Variants in S1PR3 observed in about 807,000 individuals in gnomAD.
S1PR3 encodes sphingosine-1-phosphate receptor 3.
A neutral mutation model predicts 13.3 loss-of-function variants in S1PR3; 12 were observed. The ratio of observed to expected loss-of-function variants is 0.90; its 90% confidence interval spans 0.58 to 1.46. S1PR3 has a LOEUF of 1.46. Among genes scored for constraint, S1PR3 ranks in the 40% most tolerant of loss-of-function variants. The pLI is 0.00. For synonymous variants in S1PR3, 232 were observed against 214.0 expected (o/e 1.08, Z -0.73); for missense variants, 450 against 501.9 (o/e 0.90, Z 0.99).
In S1PR3 at chr9:89,003,068, G is replaced by T. The variant is rs1357761731; in HGVS notation, c.*731G>T. ...TGCGTAATTTTAATCGTATTCCAAA[G>T]CCCAATTATGTGATGGTTTTCAGGT... On this transcript the variant is annotated 3_prime_UTR_variant, in exon 2 of 2. Transcript: ENST00000358157. 6.0e-6 allele frequency: 1 copy of T among 167,106 alleles called. No individual in the cohort carries two copies. The highest frequency in any genetic ancestry group is 2.4e-5 in the African/African-American group (1 of 41,466). 10.4% of individuals were successfully genotyped at this position (167,106 alleles called of 1,614,324 possible).
At chr9:88,999,961 C>T (rs1825848232) in intron 1 of S1PR3, 1 of 152,188 alleles carries the variant, frequency 6.6e-6, no homozygotes, top group Non-Finnish European at 1.5e-5. Flanking sequence ...GAGATCGCAC[C>T]ACTGCATTCC....
Position 89,001,707 on chromosome 9 carries a change from C to T in S1PR3, c.507C>T (p.Gly169=), listed in dbSNP as rs978012944. The T allele has an allele frequency of 9.9e-6, 16 of 1,614,100 alleles. No homozygotes were observed. The East Asian group carries it at 1.6e-4, about 16-fold the overall frequency. The change falls in exon 2 of 2, where the codon GGC becomes GGT. Residue 169 remains glycine, a synonymous_variant. Coordinates refer to ENST00000358157, the MANE Select transcript of S1PR3 (RefSeq NM_005226.4). ...GMCWLIAFTL[G]ALPILGWNCL... ...GCTGGCTCATTGCCTTCACGCTGGG[C>T]GCCCTGCCCATTCTGGGCTGGAACT...
At chr9:88,992,299 T>TCG in intron 1 of S1PR3, 1 of 407,314 alleles carries the variant, frequency 2.5e-6, no homozygotes, top group Non-Finnish European at 4.4e-6. Context: ...TCTCTCTCTC[T>TCG]TCCTCTGACT....
chr9:88,991,200 T>A, upstream of S1PR3: 1 of 1,586,762 alleles, frequency 6.3e-7, no homozygotes, highest in Non-Finnish European at 8.6e-7. The surrounding 1 kb of genome is among the most constrained non-coding windows in gnomAD (Gnocchi z 4.0). Context: ...GAGGCCGGCC[T>A]GGGAACAGGG....
chr9:89,001,944 G>T lies in S1PR3; in HGVS notation c.744G>T (p.Val248=). The change falls in exon 2 of 2, where the codon GTG becomes GTT. Residue 248 remains valine, a synonymous_variant. Transcript: ENST00000358157. ...CACTGCTGCGGACCGTGGTGATTGTGGTGAGCGTGTTCATCGCCTGCTGGT... is the reference window on the plus strand; with the variant it reads ...CACTGCTGCGGACCGTGGTGATTGTTGTGAGCGTGTTCATCGCCTGCTGGT... ...SMALLRTVVI[V]VSVFIACWSP... The T allele has an allele frequency of 6.2e-7, 1 of 1,614,178 alleles. No individual in the cohort carries two copies. The highest frequency in any genetic ancestry group is 8.5e-7 in the Non-Finnish European group (1 of 1,180,044).
chr9:88,998,649 T>C (rs1365507112), intron 1 of S1PR3: 1 of 152,228 alleles, frequency 6.6e-6, no homozygotes, highest in Non-Finnish European at 1.5e-5. Context: ...GACTGTGGTA[T>C]TGCCCCATTT....
At position 89,002,791 on chromosome 9, in the gene S1PR3, C is replaced by A; in HGVS notation, c.*454C>A. 4.8e-6 allele frequency: 1 copy of A among 209,822 alleles called. No homozygotes were observed. The highest frequency in any genetic ancestry group is 1.2e-4 in the East Asian group (1 of 8,576). The allele number at this position is 209,822 out of a possible 1,614,324, so 13.0% of individuals were successfully genotyped here. A position where few individuals can be genotyped will look rare whatever the true frequency, so the allele number is the denominator to read the frequency against. On this transcript the variant is annotated 3_prime_UTR_variant, in exon 2 of 2. Coordinates refer to ENST00000358157, the MANE Select transcript of S1PR3 (RefSeq NM_005226.4). ...TGTTGCAGGTGTTTGCCATGTGGTA[C>A]CTACATAGAATCTCCATACAACACA...
In S1PR3 at chr9:89,002,323, A is replaced by T. The variant is rs1179229081; in HGVS notation, c.1123A>T (p.Ile375Phe). 6.2e-7 allele frequency: 1 copy of T among 1,613,850 alleles called. No homozygotes were observed. Residue 375 changes from isoleucine to phenylalanine, a missense_variant, in exon 2 of 2, where the codon ATC becomes TTC. Physicochemically the swap from Ile to Phe is conservative, Grantham distance 21. Coordinates refer to ENST00000358157, the MANE Select transcript of S1PR3 (RefSeq NM_005226.4). Reference protein sequence around the residue: ...MDKNAALQNGIFCN With the variant: ...MDKNAALQNGFFCN The stretch of plus-strand genomic sequence containing the variant: ...CAAGAACGCAGCACTTCAGAATGGG[A>T]TCTTCTGCAACTGATCGTCTCCATG...
chr9:88,992,134 GC>G (rs1825728576), intron 1 of S1PR3: 1 of 1,149,472 alleles, frequency 8.7e-7, no homozygotes, highest in South Asian at 1.4e-5. Flanking sequence ...GGCAATTAGG[GC>G]CGTCAGAATC....
Position 89,001,845 on chromosome 9 carries a change from C to G in S1PR3, c.645C>G (p.Tyr215Ter), listed in dbSNP as rs373129056. 6.2e-7 allele frequency: 1 copy of G among 1,614,120 alleles called. No homozygotes were observed. Among genetic ancestry groups the G allele is most frequent in the Admixed American group, 1.7e-5 (1 of 60,018 alleles). Residue 215 changes from tyrosine to a stop codon, truncating the protein, a stop_gained, in exon 2 of 2, where the codon TAC becomes TAG. Coordinates refer to ENST00000358157, the MANE Select transcript of S1PR3 (RefSeq NM_005226.4). LOFTEE classifies it high-confidence loss of function. Reference protein sequence around the residue: ...TAILVTIVILYARIYFLVKSS... With the variant: ...TAILVTIVIL ...TCCTGGTGACCATCGTGATCCTCTA[C>G]GCACGCATCTACTTCCTGGTGAAGT...
Position 89,002,716 on chromosome 9 carries a change from G to A in S1PR3, c.*379G>A, listed in dbSNP as rs577189627. ...TGATTTTACACTACATTTCCTGTGC[G>A]TAGAATGGATGCTTGTATATTCGTA... On this transcript the variant is annotated 3_prime_UTR_variant, in exon 2 of 2. Coordinates refer to ENST00000358157, the MANE Select transcript of S1PR3 (RefSeq NM_005226.4). The A allele has an allele frequency of 1.5e-4, 41 of 270,334 alleles. 1 individual carries two copies. The South Asian group carries it at 2.8e-3, about 19-fold the overall frequency. 16.7% of individuals were successfully genotyped at this position (270,334 alleles called of 1,614,324 possible). A position where few individuals can be genotyped will look rare whatever the true frequency, so the allele number is the denominator to read the frequency against.
Position 89,001,765 on chromosome 9 carries a change from C to T in S1PR3, c.565C>T (p.Leu189=). 6.2e-7 allele frequency: 1 copy of T among 1,614,260 alleles called. No homozygotes were observed. Among genetic ancestry groups the T allele is most frequent in the Middle Eastern group, 1.6e-4 (1 of 6,062 alleles). Residue 189 remains leucine (L), a synonymous_variant, in exon 2 of 2, where the codon CTG becomes TTG. Transcript: ENST00000358157. The stretch of plus-strand genomic sequence containing the variant: ...CAATCTCCCTGACTGCTCTACCATC[C>T]TGCCCCTCTACTCCAAGAAGTACAT... ...LHNLPDCSTI[L]PLYSKKYIAF...
Position 89,002,457 on chromosome 9 carries a change from C to T in S1PR3, c.*120C>T. 2 of 1,214,526 alleles carry T rather than the reference C, an allele frequency of 1.6e-6. No individual in the cohort carries two copies. The highest frequency in any genetic ancestry group is 2.3e-6 in the Non-Finnish European group (2 of 866,386). 75.2% of individuals were successfully genotyped at this position (1,214,526 alleles called of 1,614,324 possible). A position where few individuals can be genotyped will look rare whatever the true frequency, so the allele number is the denominator to read the frequency against. On this transcript the variant is annotated 3_prime_UTR_variant, in exon 2 of 2. Coordinates refer to ENST00000358157, the MANE Select transcript of S1PR3 (RefSeq NM_005226.4). Reference sequence around the variant, plus strand: ...ACCTTACTTTGACCAACAGCCTGCCCAGTGTGGATGTCTCTTACAGAGGGG... The same window carrying T: ...ACCTTACTTTGACCAACAGCCTGCCTAGTGTGGATGTCTCTTACAGAGGGG...
chr9:89,001,830 C>G lies in S1PR3; in HGVS notation c.630C>G (p.Thr210=), dbSNP rs34962307. ...GCATCTTCACGGCCATCCTGGTGAC[C>G]ATCGTGATCCTCTACGCACGCATCT... ...CISIFTAILV[T]IVILYARIYF... is the part of the protein sequence containing the mutation. The change falls in exon 2 of 2, where the codon ACC becomes ACG. Residue 210 remains threonine (T), a synonymous_variant. Transcript: ENST00000358157. 9.3e-3 allele frequency: 15,011 copies of G among 1,614,208 alleles called. 253 individuals carry two copies. Among genetic ancestry groups the G allele is most frequent in the African/African-American group, 0.072 (5,437 of 75,030 alleles).
rs1198821238 is a variant in S1PR3 at position 89,004,226 on chromosome 9, C to T, written c.*1889C>T. 1 of 152,152 alleles carries T rather than the reference C, an allele frequency of 6.6e-6. No homozygotes were observed. The highest frequency in any genetic ancestry group is 1.5e-5 in the Non-Finnish European group (1 of 68,016). 9.4% of individuals were successfully genotyped at this position (152,152 alleles called of 1,614,324 possible). ...CCAGCCTGGCCAACATAGTGAAATCCTGTTTCTACTAAAAATACAAAAATT... is the reference window on the plus strand; with the variant it reads ...CCAGCCTGGCCAACATAGTGAAATCTTGTTTCTACTAAAAATACAAAAATT... On this transcript the variant is annotated 3_prime_UTR_variant, in exon 2 of 2. Transcript: ENST00000358157.
chr9:88,992,124 G>C, intron 1 of S1PR3: 16 of 1,207,612 alleles, frequency 1.3e-5, no homozygotes, highest in Non-Finnish European at 1.9e-5. Flanking sequence ...TCTCAAACAA[G>C]GCAATTAGGG....
In S1PR3 at chr9:89,001,976, T is replaced by C; in HGVS notation, c.776T>C (p.Leu259Pro). The C allele has an allele frequency of 6.2e-7, 1 of 1,614,106 alleles. No individual in the cohort carries two copies. The change falls in exon 2 of 2, where the codon CTC becomes CCC. Residue 259 changes from leucine (L) to proline (P), a missense_variant. By Grantham distance (98) the Leu-to-Pro change is moderately conservative. Coordinates refer to ENST00000358157, the MANE Select transcript of S1PR3 (RefSeq NM_005226.4). ...GTGTTCATCGCCTGCTGGTCCCCAC[T>C]CTTCATCCTCTTCCTCATTGATGTG... ...VSVFIACWSP[L>P]FILFLIDVAC...
At chr9:88,997,892 TCA>T (rs1207966540) in intron 1 of S1PR3, 4 of 152,442 alleles carry the variant, frequency 2.6e-5, no homozygotes, top group Middle Eastern at 3.4e-3. Flanking sequence ...AGGGCACTGT[TCA>T]CAGACTGCCT....
rs761565432 is a variant in S1PR3 at position 88,992,185 on chromosome 9, T to A, written c.-148+490T>A. 42 of 683,076 alleles carry A rather than the reference T, an allele frequency of 6.1e-5. 1 individual carries two copies. The Middle Eastern group carries it at 2.4e-3, about 39-fold the overall frequency. The allele number at this position is 683,076 out of a possible 1,614,324, so 42.3% of individuals were successfully genotyped here. A position where few individuals can be genotyped will look rare whatever the true frequency, so the allele number is the denominator to read the frequency against. ...AAGTCCCCACAGTGCAATAATGAGGTTCCCACGGAAAATCAGTACGTTGTG... is the reference window on the plus strand; with the variant it reads ...AAGTCCCCACAGTGCAATAATGAGGATCCCACGGAAAATCAGTACGTTGTG... On this transcript the variant is annotated intron_variant, in intron 1 of 1. Transcript: ENST00000358157.
Sources: allele counts gnomAD v4.1 joint callset, GRCh38; gene constraint gnomAD v4.1.1; non-coding constraint Gnocchi (gnomAD v3.1); transcripts MANE v1.5; gene names NCBI Gene and HGNC (gene_info 2026-07-23, HGNC 2026-07-21).